The following CNTNAP5 variants were observed in gnomAD, a reference collection of about 807,000 sequenced individuals.
CNTNAP5 encodes contactin-associated protein-like 5.
A neutral mutation model predicts 150.2 loss-of-function variants in CNTNAP5; 72 were observed. The observed-to-expected ratio is 0.48, with a 90% CI of 0.40 to 0.58. CNTNAP5 has a LOEUF of 0.58. CNTNAP5 is among the 20% of genes least tolerant of loss of function. The pLI is 0.00. For missense variants in CNTNAP5, 1,636 were observed against 1,626.2 expected (o/e 1.01, Z -0.10); for synonymous variants, 672 against 619.8 (o/e 1.08, Z -1.25).
In CNTNAP5 at chr2:124,909,824, G is replaced by GATATATATATATAT. The variant is rs1203121251; in HGVS notation, c.3656-1642_3656-1641insTATATATATATATA. Among the ~76,000 whole-genome samples, 125 of 29,196 alleles carry GATATATATATATAT rather than the reference G, an allele frequency of 4.3e-3. 4 individuals carry two copies. Among genetic ancestry groups the GATATATATATATAT allele is most frequent in the African/African-American group, 0.011 (118 of 10,458 alleles). 19.2% of individuals were successfully genotyped at this position (29,196 alleles called of 152,430 possible). A position where few individuals can be genotyped will look rare whatever the true frequency, so the allele number is the denominator to read the frequency against. ...TATCACCCCATCGTTATCAATTGGT[G>GATATATATATATAT]ACATATATATATATATATATATATA... is the stretch of plus-strand genomic sequence containing the variant. On this transcript the variant is annotated intron_variant, in intron 22 of 23. Transcript: ENST00000682447.
chr2:124,554,523 C>T (rs1358848397), intron 10 of CNTNAP5, among the ~76,000 whole-genome samples: 1 of 150,710 alleles, frequency 6.6e-6, no homozygotes, highest in Non-Finnish European at 1.5e-5. Context: ...TGGGCTCAAG[C>T]AATCCTCCCA....
At chr2:124,205,213 C>T (rs1228604007) in intron 1 of CNTNAP5, among the ~76,000 whole-genome samples, 1 of 151,954 alleles carries the variant, frequency 6.6e-6, no homozygotes, top group African/African-American at 2.4e-5. Context: ...GGGGCGGTTT[C>T]CCCCATGCTG....
At chr2:124,298,696 G>A (rs1688500175) in intron 3 of CNTNAP5, among the ~76,000 whole-genome samples, 1 of 151,778 alleles carries the variant, frequency 6.6e-6, no homozygotes, top group Non-Finnish European at 1.5e-5. Flanking sequence ...AGTTCCTTCA[G>A]ACCCCCCAAT....
At chr2:124,500,500 G>C (rs528842566) in intron 7 of CNTNAP5, among the ~76,000 whole-genome samples, 1 of 152,104 alleles carries the variant, frequency 6.6e-6, no homozygotes, top group Non-Finnish European at 1.5e-5. Flanking sequence ...GAGCTTTGTT[G>C]AAGGCAGACA....
At chr2:124,415,376 C>A (rs1691891312) in intron 3 of CNTNAP5, among the ~76,000 whole-genome samples, 1 of 152,190 alleles carries the variant, frequency 6.6e-6, no homozygotes, top group Non-Finnish European at 1.5e-5. Context: ...GTAATTACAT[C>A]AATCGCCTAA....
chr2:124,409,762 G>A lies in CNTNAP5; in HGVS notation c.382-7681G>A, dbSNP rs1397144565. 2.2e-4 allele frequency among the ~76,000 whole-genome samples: 33 copies of A among 151,628 alleles called. No homozygotes were observed. In the East Asian group the frequency reaches 3.9e-3, roughly 18 times the overall value. On this transcript the variant is annotated intron_variant, in intron 3 of 23. Transcript: ENST00000682447. ...TGGAAAGGAACAACCGGTACCAGCC[G>A]CTGCAAAATCAAGCCAAAATGTAAA...
chr2:124,609,393 A>G (rs1677325953), intron 11 of CNTNAP5, among the ~76,000 whole-genome samples: 1 of 152,166 alleles, frequency 6.6e-6, no homozygotes, highest in Admixed American at 6.5e-5. Context: ...GTTCAAGACC[A>G]ACCTGGATAA....
chr2:124,316,812 AAAAAAAAAAAAAAAAAGAAAAAG>A (rs920946078), intron 3 of CNTNAP5, among the ~76,000 whole-genome samples: 5 of 146,322 alleles, frequency 3.4e-5, no homozygotes, highest in African/African-American at 1.3e-4. Context: ...CTCAAAAAAA[AAAAAAAAAAAAAAAAAGAAAAAG>A]AAAAAAAAGA....
At chr2:124,507,290 C>T (rs532632479) in intron 8 of CNTNAP5, among the ~76,000 whole-genome samples, 8 of 152,188 alleles carry the variant, frequency 5.3e-5, no homozygotes, top group Admixed American at 2.6e-4. Context: ...AAAACCCCAT[C>T]TTTACAAAAA....
intron 3 of CNTNAP5, among the ~76,000 whole-genome samples, chr2:124,287,605 T>C (rs992285357): frequency 1.3e-5 from 2 of 152,158 alleles, no homozygotes; most frequent in African/African-American, 4.8e-5. Context: ...GCAGCAAATG[T>C]ATCCACAGAT....
intron 22 of CNTNAP5, among the ~76,000 whole-genome samples, chr2:124,910,022 C>G (rs2104767458): frequency 1.3e-5 from 2 of 151,708 alleles, no homozygotes; most frequent in African/African-American, 4.8e-5. Context: ...AATTACAATA[C>G]CCTTCCCATT....
intron 3 of CNTNAP5, among the ~76,000 whole-genome samples, chr2:124,378,399 C>A (rs1201924253): frequency 6.6e-6 from 1 of 152,048 alleles, no homozygotes; most frequent in African/African-American, 2.4e-5. Flanking sequence ...ATGAAGGCGA[C>A]CATTTTTAGT....
chr2:124,693,041 C>G (rs1395967864), intron 13 of CNTNAP5, among the ~76,000 whole-genome samples: 1 of 151,978 alleles, frequency 6.6e-6, no homozygotes, highest in African/African-American at 2.4e-5. Flanking sequence ...TTTTTTTACC[C>G]ACAAATTTCA....
At chr2:124,888,804 G>A (rs1263005654) in intron 21 of CNTNAP5, among the ~76,000 whole-genome samples, 2 of 151,636 alleles carry the variant, frequency 1.3e-5, no homozygotes, top group Non-Finnish European at 2.9e-5. Context: ...ACTGTTTTTA[G>A]CTTGCTGATT....
intron 3 of CNTNAP5, among the ~76,000 whole-genome samples, chr2:124,287,600 A>C (rs1452462718): frequency 6.6e-6 from 1 of 152,144 alleles, no homozygotes; most frequent in Non-Finnish European, 1.5e-5. Context: ...TCTGTGCAGC[A>C]AATGTATCCA....
intron 1 of CNTNAP5, among the ~76,000 whole-genome samples, chr2:124,159,122 A>G (rs1684614299): frequency 6.6e-6 from 1 of 152,232 alleles, no homozygotes; most frequent in African/African-American, 2.4e-5. Context: ...TTGACATTGC[A>G]TATATGACAT....
intron 1 of CNTNAP5, among the ~76,000 whole-genome samples, chr2:124,145,847 T>TA (rs1684239013): frequency 2.1e-5 from 1 of 47,146 alleles, no homozygotes; most frequent in Non-Finnish European, 4.7e-5. Flanking sequence ...AAAAAAAAAA[T>TA]AAAATATATT....
intron 3 of CNTNAP5, among the ~76,000 whole-genome samples, chr2:124,377,045 T>G (rs569140606): frequency 1.4e-4 from 21 of 152,162 alleles, no homozygotes; most frequent in Admixed American, 3.3e-4. Context: ...AAATAAGAAG[T>G]GTGAGGGACA....
chr2:124,849,576 A>G (rs1425144127), intron 19 of CNTNAP5, among the ~76,000 whole-genome samples: 2 of 152,174 alleles, frequency 1.3e-5, no homozygotes, highest in Non-Finnish European at 2.9e-5. Flanking sequence ...GAAATATACA[A>G]TTGGAATTTT....
Sources: allele counts gnomAD v4.1 joint callset (sites outside exome capture counted in the v4.1 genomes callset), GRCh38; gene constraint gnomAD v4.1.1; transcripts MANE v1.5; gene names NCBI Gene and HGNC (gene_info 2026-07-23, HGNC 2026-07-21).